Variants in MARCHF1 observed in about 807,000 individuals in gnomAD.
MARCHF1 encodes E3 ubiquitin-protein ligase MARCHF1.
A neutral mutation model predicts 54.2 loss-of-function variants in MARCHF1; 40 were observed. The observed-to-expected ratio is 0.74, with a 90% CI of 0.57 to 0.96. The LOEUF is 0.96. MARCHF1 is among the 40% of genes least tolerant of loss of function. The probability of loss-of-function intolerance (pLI) is 0.00; values close to 1 mark genes in which losing one functional copy is unlikely to be tolerated. For missense variants in MARCHF1, 586 were observed against 656.5 expected (o/e 0.89, Z 1.17); for synonymous variants, 236 against 236.3 (o/e 1.00, Z 0.01).
At chr4:164,127,893 A>G (rs1411421500) in intron 1 of MARCHF1, among the ~76,000 whole-genome samples, 1 of 152,186 alleles carries the variant, frequency 6.6e-6, no homozygotes, top group Non-Finnish European at 1.5e-5. Context: ...ATGGAGAATT[A>G]GTGAGCACCT....
At chr4:163,870,375 G>A (rs1393801111) in intron 3 of MARCHF1, among the ~76,000 whole-genome samples, 2 of 152,016 alleles carry the variant, frequency 1.3e-5, no homozygotes, top group African/African-American at 4.8e-5. Flanking sequence ...ATACATTTAA[G>A]ATATGGACAA....
chr4:163,993,335 T>C lies in MARCHF1; in HGVS notation c.-247-4626A>G, dbSNP rs191747881. ...GGAATCCAATTGTGACTACACTTAG[T>C]ATGTGCAAGTATCTTGTGTAATTAC... On this transcript the variant is annotated intron_variant, in intron 2 of 9. Coordinates refer to ENST00000514618, the MANE Select transcript of MARCHF1 (RefSeq NM_001394959.1). 3.1e-4 allele frequency among the ~76,000 whole-genome samples: 47 copies of C among 152,296 alleles called. 1 individual carries two copies. Among genetic ancestry groups the C allele is most frequent in the African/African-American group, 1.0e-3 (43 of 41,576 alleles).
At chr4:163,899,318 C>T (rs965561220) in intron 3 of MARCHF1, among the ~76,000 whole-genome samples, 17 of 152,152 alleles carry the variant, frequency 1.1e-4, no homozygotes, top group Admixed American at 3.3e-4. Context: ...CTAATGATGC[C>T]GGATTGTTAA....
At chr4:163,676,825 A>G (rs1175873547) in intron 5 of MARCHF1, among the ~76,000 whole-genome samples, 1 of 152,142 alleles carries the variant, frequency 6.6e-6, no homozygotes, top group African/African-American at 2.4e-5. Context: ...ACAAAAAGCA[A>G]GAGAGAAAAA....
intron 4 of MARCHF1, among the ~76,000 whole-genome samples, chr4:163,703,515 T>C (rs1744866576): frequency 6.6e-6 from 1 of 152,140 alleles, no homozygotes; most frequent in Admixed American, 6.6e-5. Context: ...CATACCTCAT[T>C]ACAATCAGTT....
intron 5 of MARCHF1, among the ~76,000 whole-genome samples, chr4:163,642,536 G>A (rs1402939112): frequency 6.6e-6 from 1 of 152,068 alleles, no homozygotes; most frequent in Non-Finnish European, 1.5e-5. Flanking sequence ...TGGCTTGATT[G>A]CATATTTGTC....
At chr4:163,761,437 T>C (rs527726099) in intron 4 of MARCHF1, among the ~76,000 whole-genome samples, 297 of 152,298 alleles carry the variant, frequency 2.0e-3, no homozygotes, top group Admixed American at 4.2e-3. Context: ...CTTGAAGGCA[T>C]TGGTGTCCTG....
intron 4 of MARCHF1, among the ~76,000 whole-genome samples, chr4:163,853,581 AT>A (rs1188467289): frequency 1.3e-5 from 2 of 152,186 alleles, no homozygotes; most frequent in African/African-American, 4.8e-5. Flanking sequence ...GAAAATTATA[AT>A]TTTTGATTCT....
chr4:164,147,264 G>A (rs1348871000), intron 1 of MARCHF1, among the ~76,000 whole-genome samples: 2 of 147,988 alleles, frequency 1.4e-5, no homozygotes, highest in Non-Finnish European at 3.0e-5. Flanking sequence ...AGTCAGTGTG[G>A]CGATTCCTCA....
chr4:163,721,699 A>G (rs1745467483), intron 4 of MARCHF1, among the ~76,000 whole-genome samples: 1 of 152,084 alleles, frequency 6.6e-6, no homozygotes. Context: ...TATTGCCTCA[A>G]TTTCAGAGCC....
chr4:163,647,328 A>G (rs1328177215), intron 5 of MARCHF1, among the ~76,000 whole-genome samples: 1 of 152,076 alleles, frequency 6.6e-6, no homozygotes, highest in Non-Finnish European at 1.5e-5. Context: ...GGACTGTAAT[A>G]CGCCACTTTC....
intron 1 of MARCHF1, among the ~76,000 whole-genome samples, chr4:164,138,249 TAA>T (rs1406668992): frequency 6.6e-6 from 1 of 152,110 alleles, no homozygotes; most frequent in Non-Finnish European, 1.5e-5. Flanking sequence ...ATTGTAACGT[TAA>T]GTTTCTTTTT....
chr4:163,550,355 T>C (rs1021937822), intron 8 of MARCHF1, among the ~76,000 whole-genome samples: 1 of 151,182 alleles, frequency 6.6e-6, no homozygotes, highest in South Asian at 2.1e-4. Context: ...CCAAATCCAT[T>C]AAATCCATTT....
intron 4 of MARCHF1, among the ~76,000 whole-genome samples, chr4:163,815,487 G>A (rs953971534): frequency 6.6e-6 from 1 of 151,952 alleles, no homozygotes; most frequent in Admixed American, 6.6e-5. Context: ...GAGTTTTATC[G>A]GTGCTACTGA....
intron 1 of MARCHF1, among the ~76,000 whole-genome samples, chr4:164,195,337 T>TA (rs1269914287): frequency 6.6e-6 from 1 of 152,162 alleles, no homozygotes; most frequent in Non-Finnish European, 1.5e-5. Flanking sequence ...GATGCTACTA[T>TA]AAAAAAGGAT....
At chr4:163,578,411 AG>A (rs1269935801) in intron 8 of MARCHF1, among the ~76,000 whole-genome samples, 1 of 152,144 alleles carries the variant, frequency 6.6e-6, no homozygotes, top group Non-Finnish European at 1.5e-5. Context: ...TACTAAAAAA[AG>A]TTCTATTTAA....
At chr4:164,140,762 A>G (rs1380374547) in intron 1 of MARCHF1, among the ~76,000 whole-genome samples, 4 of 144,754 alleles carry the variant, frequency 2.8e-5, no homozygotes, top group Non-Finnish European at 4.8e-5. Flanking sequence ...ACACACATAC[A>G]TACATACATA....
At chr4:163,980,090 G>A (rs1752731461) in intron 3 of MARCHF1, among the ~76,000 whole-genome samples, 1 of 147,734 alleles carries the variant, frequency 6.8e-6, no homozygotes, top group African/African-American at 2.5e-5. Context: ...CAAAGCTGGA[G>A]GCATCACACT....
intron 4 of MARCHF1, among the ~76,000 whole-genome samples, chr4:163,804,940 A>C (rs1325614097): frequency 1.3e-5 from 2 of 152,156 alleles, no homozygotes; most frequent in Non-Finnish European, 2.9e-5. Flanking sequence ...CAGTGATTGC[A>C]ATCTCGAAAT....
Sources: gnomAD v4.1 joint callset for allele counts (sites outside exome capture counted in the v4.1 genomes callset) on GRCh38, gnomAD v4.1.1 for gene constraint, MANE v1.5 for transcripts, NCBI Gene and HGNC (gene_info 2026-07-23, HGNC 2026-07-21) for gene names.